The following ACSM1 variants were observed in gnomAD, a reference collection of about 807,000 sequenced individuals.
ACSM1 encodes acyl-coenzyme A synthetase ACSM1, mitochondrial.
ACSM1 carries 79 observed loss-of-function variants against 75.8 expected under a neutral mutation model. The observed-to-expected ratio is 1.04, with a 90% CI of 0.87 to 1.26. The LOEUF (loss-of-function observed/expected upper bound fraction) is 1.26. Ranked by LOEUF, ACSM1 falls within the 50% of genes most tolerant of loss-of-function variation. The pLI, the probability that ACSM1 is intolerant of heterozygous loss-of-function variation, is 0.00. For synonymous variants in ACSM1, 279 were observed against 265.8 expected, an observed-to-expected ratio of 1.05 and a Z score of -0.48; for missense variants, 676 against 720.1, an observed-to-expected ratio of 0.94 and a Z score of 0.70.
intron 10 of ACSM1, among the ~76,000 whole-genome samples, chr16:20,635,303 G>C (rs912537473): frequency 2.6e-5 from 4 of 152,164 alleles, no homozygotes; most frequent in African/African-American, 9.7e-5. Flanking sequence ...GCTGAGTTGG[G>C]AATATCACTT....
chr16:20,633,755 C>G (rs907518396), intron 10 of ACSM1, among the ~76,000 whole-genome samples: 1 of 152,038 alleles, frequency 6.6e-6, no homozygotes, highest in African/African-American at 2.4e-5. Context: ...AAAGGCCAGG[C>G]GCGGTAGCTC....
chr16:20,625,717 G>A (rs576123461), intron 11 of ACSM1, among the ~76,000 whole-genome samples, 195 bp from the exon 12 acceptor site: 72 of 152,302 alleles, frequency 4.7e-4, no homozygotes, highest in African/African-American at 1.5e-3. Context: ...ACAAGACTGC[G>A]GTGCTCCCGG....
intron 11 of ACSM1, 83 bp downstream of exon 11, chr16:20,627,106 T>A: frequency 1.4e-6 from 2 of 1,442,290 alleles, no homozygotes; most frequent in Non-Finnish European, 1.8e-6. Context: ...ATTTCACCAA[T>A]GCGTGAAAAA....
chr16:20,640,648 T>C (rs2018001732), intron 7 of ACSM1, 64 bp from the exon 8 acceptor site: 6 of 1,607,356 alleles, frequency 3.7e-6, no homozygotes, highest in African/African-American at 1.3e-5. Flanking sequence ...TCAGAGCTCT[T>C]AAGTCTGTCA....
chr16:20,673,594 G>C (rs1031078224), intron 4 of ACSM1, among the ~76,000 whole-genome samples: 2 of 152,072 alleles, frequency 1.3e-5, no homozygotes, highest in African/African-American at 4.8e-5. Context: ...GAGGCAGAAG[G>C]GGCCTTTCTT....
At chr16:20,669,710 C>A (rs1457008615) in intron 6 of ACSM1, 117 bp downstream of exon 6, 1 of 1,034,922 alleles carries the variant, frequency 9.7e-7, no homozygotes, top group Non-Finnish European at 1.4e-6. Context: ...AGCCCAGGCT[C>A]AGGATCATCT....
At chr16:20,683,283 A>C (rs2079483371) in intron 3 of ACSM1, among the ~76,000 whole-genome samples, 1 of 151,732 alleles carries the variant, frequency 6.6e-6, no homozygotes, top group Admixed American at 6.6e-5. Context: ...ATGCCCAGCT[A>C]TTTTTTATTA....
chr16:20,693,523 G>T (rs2079673985), intron 1 of ACSM1, among the ~76,000 whole-genome samples: 1 of 152,132 alleles, frequency 6.6e-6, no homozygotes, highest in Admixed American at 6.6e-5. Context: ...GTTCCCTCTT[G>T]CTCACTTTCA....
rs1197596232 is a variant in ACSM1 at position 20,627,267 on chromosome 16, GTGT to G, written c.1346_1348del (p.Asn449del). ...TTCATCCATCTTACCTCTGTCCCCA[GTGT>G]TGTAGAAGTCCCCACATTCCACTTT... On this transcript the variant is annotated inframe_deletion, in exon 11 of 14. Coordinates refer to ENST00000520010, the MANE Select transcript of ACSM1 (RefSeq NM_001318890.3). 1 of 1,589,954 alleles carries G rather than the reference GTGT, an allele frequency of 6.3e-7. No homozygotes were observed. Among genetic ancestry groups the G allele is most frequent in the Non-Finnish European group, 8.5e-7 (1 of 1,170,200 alleles).
chr16:20,694,742 G>A (rs141728957), intron 1 of ACSM1, among the ~76,000 whole-genome samples: 24 of 152,258 alleles, frequency 1.6e-4, no homozygotes, highest in African/African-American at 3.8e-4. Flanking sequence ...GGTGAAGTAC[G>A]AACCCCAATA....
intron 4 of ACSM1, among the ~76,000 whole-genome samples, chr16:20,677,299 CT>C (rs1405060828): frequency 6.6e-6 from 1 of 151,638 alleles, no homozygotes. Context: ...AGCTTATCTT[CT>C]TGTATGCCCA....
chr16:20,662,634 C>T (rs2019356432), intron 6 of ACSM1, among the ~76,000 whole-genome samples: 2 of 152,134 alleles, frequency 1.3e-5, no homozygotes, highest in Admixed American at 1.3e-4. Context: ...ATTTCCTTAT[C>T]TGTAAAATGG....
intron 10 of ACSM1, among the ~76,000 whole-genome samples, chr16:20,635,636 CTTT>C (rs2017657022): frequency 1.2e-5 from 1 of 81,376 alleles, no homozygotes; most frequent in African/African-American, 5.9e-5. Flanking sequence ...TTCTTTCTTT[CTTT>C]CTTTCTTTCT....
intron 1 of ACSM1, among the ~76,000 whole-genome samples, chr16:20,696,276 T>G (rs2152347101): frequency 6.6e-6 from 1 of 152,366 alleles, no homozygotes; most frequent in South Asian, 2.1e-4. Flanking sequence ...ACTATCTCTG[T>G]CTCTATCTCT....
rs77214193 is a variant in ACSM1 at position 20,649,511 on chromosome 16, C to A, written c.993-8927G>T. Reference sequence around the variant, plus strand: ...GATAATAAACTAAGAGCCAGGCACTCTTTTAAATCCAGTAAGAAGCATTTT... The same window carrying A: ...GATAATAAACTAAGAGCCAGGCACTATTTTAAATCCAGTAAGAAGCATTTT... On this transcript the variant is annotated intron_variant, in intron 7 of 13. Coordinates refer to ENST00000520010, the MANE Select transcript of ACSM1 (RefSeq NM_001318890.3). Among the ~76,000 whole-genome samples, 1,212 of 152,298 alleles carry A rather than the reference C, an allele frequency of 8.0e-3. 7 individuals carry two copies. Among genetic ancestry groups the A allele is most frequent in the African/African-American group, 0.018 (729 of 41,582 alleles).
intron 10 of ACSM1, among the ~76,000 whole-genome samples, chr16:20,630,803 GAC>G: frequency 6.6e-6 from 1 of 152,240 alleles, no homozygotes; most frequent in Middle Eastern, 3.4e-3. Context: ...AACTTTAAAA[GAC>G]AGAAATTATA....
At chr16:20,664,147 G>GTATCTATTTATTTATT (rs143982261) in intron 6 of ACSM1, among the ~76,000 whole-genome samples, 1 of 145,520 alleles carries the variant, frequency 6.9e-6, no homozygotes, top group Admixed American at 6.9e-5. Context: ...AAATTGAATA[G>GTATCTATTTATTTATT]TATTTATTTA....
intron 1 of ACSM1, among the ~76,000 whole-genome samples, chr16:20,694,714 T>C (rs1249176792): frequency 1.3e-5 from 2 of 152,138 alleles, no homozygotes; most frequent in East Asian, 3.9e-4. Flanking sequence ...TTGAACTGTG[T>C]CCCCCATGAA....
chr16:20,664,500 T>C (rs978915148), intron 6 of ACSM1, among the ~76,000 whole-genome samples: 7 of 152,136 alleles, frequency 4.6e-5, no homozygotes, highest in Non-Finnish European at 8.8e-5. Flanking sequence ...ACACCTAGAT[T>C]TATAAGGTGA....
Sources: gnomAD v4.1 joint callset for allele counts (sites outside exome capture counted in the v4.1 genomes callset) on GRCh38, gnomAD v4.1.1 for gene constraint, MANE v1.5 for transcripts, NCBI Gene and HGNC (gene_info 2026-07-23, HGNC 2026-07-21) for gene names.